MSRB3: variants seen among roughly 807,000 people sequenced by gnomAD.
The protein encoded by MSRB3 is methionine-R-sulfoxide reductase B3.
In MSRB3, 13 loss-of-function variants were observed where a neutral mutation model predicts 21.0. The observed-to-expected ratio is 0.62, with a 90% confidence interval of 0.40 to 0.98. MSRB3 has a LOEUF of 0.98. MSRB3 is among the 50% of genes least tolerant of loss of function. The pLI, the probability that MSRB3 is intolerant of heterozygous loss-of-function variation, is 0.00. For synonymous variants in MSRB3, 87 were observed against 88.6 expected (o/e 0.98, Z 0.10); for missense variants, 199 against 230.3 (o/e 0.86, Z 0.88).
intron 2 of MSRB3, among the ~76,000 whole-genome samples, chr12:65,326,323 T>A (rs1207873868): frequency 1.3e-5 from 2 of 152,136 alleles, no homozygotes; most frequent in Non-Finnish European, 2.9e-5. Flanking sequence ...AAAAATATAT[T>A]TTTAGGGCTC....
At chr12:65,361,418 A>C (rs1296613752) in intron 4 of MSRB3, among the ~76,000 whole-genome samples, 1 of 152,150 alleles carries the variant, frequency 6.6e-6, no homozygotes, top group African/African-American at 2.4e-5. Flanking sequence ...TGTTACGTGA[A>C]TATGGACAAG....
chr12:65,393,497 G>T (rs1592594559), intron 5 of MSRB3, among the ~76,000 whole-genome samples: 2 of 152,078 alleles, frequency 1.3e-5, no homozygotes, highest in African/African-American at 4.8e-5. Context: ...GCCAGGCATG[G>T]TGGTGGGCGC....
At chr12:65,306,358 G>A (rs1442690838) in intron 1 of MSRB3, among the ~76,000 whole-genome samples, 3 of 152,112 alleles carry the variant, frequency 2.0e-5, no homozygotes, top group Admixed American at 2.0e-4. Flanking sequence ...ATGTAACCAA[G>A]GCATCCAGAT....
rs535098319 is a variant in MSRB3 at position 65,419,156 on chromosome 12, C to T, written c.293-34572C>T. ...GAGAGCATCATCTCAACAGCTCCAA[C>T]CTTGGCCAACTGCATGGTGACCACT... On this transcript the variant is annotated intron_variant, in intron 5 of 6. Transcript: ENST00000308259. 3.6e-5 allele frequency: 25 copies of T among 685,300 alleles called. No homozygotes were observed. The East Asian group carries it at 6.3e-4, about 17-fold the overall frequency. 42.5% of individuals were successfully genotyped at this position (685,300 alleles called of 1,614,324 possible). A position where few individuals can be genotyped will look rare whatever the true frequency, so the allele number is the denominator to read the frequency against.
chr12:65,339,009 G>A (rs1044808095), intron 4 of MSRB3, among the ~76,000 whole-genome samples: 2 of 152,110 alleles, frequency 1.3e-5, no homozygotes, highest in African/African-American at 4.8e-5. Context: ...CCCGGGAGGC[G>A]GAGGTTGCAG....
intron 5 of MSRB3, among the ~76,000 whole-genome samples, chr12:65,417,139 T>C (rs1881022921): frequency 1.3e-5 from 2 of 152,186 alleles, no homozygotes; most frequent in East Asian, 3.8e-4. Context: ...TATAAGATCA[T>C]GGTTTATTTA....
At chr12:65,364,343 G>A (rs1343302323) in intron 4 of MSRB3, among the ~76,000 whole-genome samples, 2 of 152,136 alleles carry the variant, frequency 1.3e-5, no homozygotes, top group African/African-American at 2.4e-5. Flanking sequence ...AAAATTAAAA[G>A]GGGGAGGATG....
In MSRB3 at chr12:65,463,213, A is replaced by G. The variant is rs1417579930; in HGVS notation, c.449A>G (p.Tyr150Cys). 1 of 1,614,114 alleles carries G rather than the reference A, an allele frequency of 6.2e-7. No individual in the cohort carries two copies. The highest frequency in any genetic ancestry group is 1.3e-5 in the African/African-American group (1 of 74,936). The change falls in exon 7 of 7, where the codon TAC becomes TGC. Residue 150 changes from tyrosine (Y) to cysteine (C), a missense_variant. Coordinates refer to ENST00000308259, the MANE Select transcript of MSRB3 (RefSeq NM_001031679.3). ...DDGPRPTGKR[Y>C]CINSAALSFT... ...GGGCCTCGTCCAACTGGGAAAAGATACTGCATAAATTCGGCTGCCTTGTCT... is the reference window on the plus strand; with the variant it reads ...GGGCCTCGTCCAACTGGGAAAAGATGCTGCATAAATTCGGCTGCCTTGTCT...
intron 5 of MSRB3, chr12:65,418,985 G>A (rs949789140): frequency 2.8e-6 from 2 of 708,942 alleles, no homozygotes; most frequent in Non-Finnish European, 2.6e-6. Context: ...AACTCCAGGT[G>A]CAGCAGGATC....
In MSRB3 at chr12:65,463,751, T is replaced by G. The variant is rs1167011359; in HGVS notation, c.*429T>G. The G allele has an allele frequency of 5.4e-6, 1 of 184,778 alleles. No individual in the cohort carries two copies. The highest frequency in any genetic ancestry group is 2.4e-5 in the African/African-American group (1 of 41,764). The allele number at this position is 184,778 out of a possible 1,614,324, so 11.4% of individuals were successfully genotyped here. ...GCAAGACACATGGCCTTGAGGCCTT[T>G]GCACAGACCCACCTAAGATAAGGTT... On this transcript the variant is annotated 3_prime_UTR_variant, in exon 7 of 7. Coordinates refer to ENST00000308259, the MANE Select transcript of MSRB3 (RefSeq NM_001031679.3).
chr12:65,420,507 A>G (rs996504604), intron 5 of MSRB3, among the ~76,000 whole-genome samples: 2 of 151,898 alleles, frequency 1.3e-5, no homozygotes, highest in African/African-American at 4.8e-5. Flanking sequence ...TTGGGGGTAC[A>G]CTTGAAGGTT....
At chr12:65,418,658 T>G in intron 5 of MSRB3, 4 of 628,568 alleles carry the variant, frequency 6.4e-6, no homozygotes, top group Non-Finnish European at 1.1e-5. Context: ...TGAGTTTTTT[T>G]TTTTTAACCT....
intron 6 of MSRB3, chr12:65,454,034 A>G (rs1592652262): frequency 1.5e-6 from 1 of 662,688 alleles, no homozygotes; most frequent in South Asian, 1.7e-5. Flanking sequence ...CTGTAATCCC[A>G]TACTTTGAGA....
intron 5 of MSRB3, among the ~76,000 whole-genome samples, chr12:65,402,201 A>G (rs1220242520): frequency 6.6e-6 from 1 of 152,100 alleles, no homozygotes; most frequent in Non-Finnish European, 1.5e-5. Context: ...TTTCCTGAAG[A>G]GTGTTTTCCA....
intron 4 of MSRB3, among the ~76,000 whole-genome samples, chr12:65,346,544 ACT>A (rs1414424560): frequency 2.6e-5 from 4 of 151,684 alleles, no homozygotes; most frequent in African/African-American, 9.7e-5. Flanking sequence ...TTGACTGTTC[ACT>A]CTGATGGTAG....
intron 5 of MSRB3, among the ~76,000 whole-genome samples, chr12:65,370,300 A>C (rs1425877058): frequency 6.6e-6 from 1 of 152,230 alleles, no homozygotes; most frequent in Non-Finnish European, 1.5e-5. Context: ...ATCTTTAAGT[A>C]TAATTTAAAA....
At chr12:65,366,547 T>G (rs1878025375) in intron 4 of MSRB3, among the ~76,000 whole-genome samples, 1 of 152,124 alleles carries the variant, frequency 6.6e-6, no homozygotes, top group South Asian at 2.1e-4. Context: ...ATGAGGTTAT[T>G]CAGCCAAGGA....
intron 5 of MSRB3, among the ~76,000 whole-genome samples, chr12:65,392,730 G>A (rs768956918): frequency 2.6e-5 from 4 of 152,122 alleles, no homozygotes; most frequent in Non-Finnish European, 4.4e-5. Flanking sequence ...TTTGGCTGAC[G>A]TTTTGACTTC....
At chr12:65,354,916 G>T (rs751455449) in intron 4 of MSRB3, among the ~76,000 whole-genome samples, 1 of 151,736 alleles carries the variant, frequency 6.6e-6, no homozygotes. Context: ...CCCAGAAAAC[G>T]TAGTCATTAT....
Sources: gnomAD v4.1 joint callset for allele counts (sites outside exome capture counted in the v4.1 genomes callset) on GRCh38, gnomAD v4.1.1 for gene constraint, MANE v1.5 for transcripts, NCBI Gene and HGNC (gene_info 2026-07-23, HGNC 2026-07-21) for gene names.